Variants in CCDC146 observed in about 807,000 individuals in gnomAD.
CCDC146 encodes the protein coiled-coil domain containing 146, also known as coiled-coil domain-containing protein 146.
Under a neutral mutation model 119.3 loss-of-function variants are expected in CCDC146, and 92 were observed. The observed-to-expected ratio is 0.77, with a 90% CI of 0.65 to 0.92. The LOEUF is 0.92. Ranked by LOEUF, CCDC146 falls within the 40% of genes least tolerant of loss-of-function variation. The pLI is 0.00. For synonymous variants in CCDC146, 372 were observed against 371.8 expected, an observed-to-expected ratio of 1.00 and a Z score of -0.01; for missense variants, 1,000 against 1,103.0, an observed-to-expected ratio of 0.91 and a Z score of 1.32.
intron 2 of CCDC146, among the ~76,000 whole-genome samples, chr7:77,218,787 G>T (rs1299011039): frequency 6.6e-6 from 1 of 151,708 alleles, no homozygotes; most frequent in African/African-American, 2.4e-5. Context: ...GCCTAGGCTG[G>T]TCCCTAACTC....
In CCDC146 at chr7:77,282,659, A is replaced by G. The variant is rs1793785084; in HGVS notation, c.2022A>G (p.Leu674=). Reference sequence around the variant, plus strand: ...TAAATGGAGAAATTGAAATACATCTACTGGAAGAAAAGATCCAATTCCTGA... The same window carrying G: ...TAAATGGAGAAATTGAAATACATCTGCTGGAAGAAAAGATCCAATTCCTGA... The part of the protein sequence containing the change: ...MKLNGEIEIH[L]LEEKIQFLKM... Residue 674 remains leucine, a synonymous_variant, in exon 15 of 19, where the codon CTA becomes CTG. Transcript: ENST00000285871. 4.3e-6 allele frequency: 7 copies of G among 1,612,062 alleles called. No individual in the cohort carries two copies. The highest frequency in any genetic ancestry group is 4.5e-5 in the East Asian group (2 of 44,886).
intron 1 of CCDC146, among the ~76,000 whole-genome samples, chr7:77,150,475 C>G (rs530344489): frequency 6.6e-6 from 1 of 152,190 alleles, no homozygotes; most frequent in South Asian, 2.1e-4. Flanking sequence ...CATAGTAATG[C>G]CATTTTGGAA....
At chr7:77,259,242 A>C (rs532815743) in intron 7 of CCDC146, 174 bp downstream of exon 7, 1 of 507,198 alleles carries the variant, frequency 2.0e-6, no homozygotes, top group African/African-American at 2.0e-5. Context: ...GTAATGCACC[A>C]AATTTCTATC....
At chr7:77,238,278 C>CT (rs1213207178) in intron 3 of CCDC146, among the ~76,000 whole-genome samples, 1 of 152,182 alleles carries the variant, frequency 6.6e-6, no homozygotes, top group African/African-American at 2.4e-5. Flanking sequence ...AATTTTGAGA[C>CT]TTTAAGTGGA....
intron 1 of CCDC146, among the ~76,000 whole-genome samples, chr7:77,137,686 A>G (rs984896981): frequency 6.6e-6 from 1 of 151,732 alleles, no homozygotes; most frequent in Non-Finnish European, 1.5e-5. Context: ...ATTGATCTGT[A>G]GATTCAATGC....
rs1396289355 is a variant in CCDC146, at chr7:77,241,252, T to C, written c.240-439T>C. Among the ~76,000 whole-genome samples the C allele has an allele frequency of 6.1e-5, 4 of 65,282 alleles. 2 individuals are homozygous for C. The highest frequency in any genetic ancestry group is 1.9e-4 in the Non-Finnish European group (4 of 20,924). 42.8% of individuals were successfully genotyped at this position (65,282 alleles called of 152,430 possible). A position where few individuals can be genotyped will look rare whatever the true frequency, so the allele number is the denominator to read the frequency against. ...TTTTGTATTTTTAGTAGAGACGGGG[T>C]TTCACTGTGTTAGCCAGAACGGTTT... On this transcript the variant is annotated intron_variant, in intron 3 of 18. Transcript: ENST00000285871.
At chr7:77,231,625 G>A (rs1250971528) in intron 2 of CCDC146, among the ~76,000 whole-genome samples, 1 of 151,906 alleles carries the variant, frequency 6.6e-6, no homozygotes, top group African/African-American at 2.4e-5. Context: ...TTCTACTTAG[G>A]AATTTCAGTG....
At chr7:77,244,182 G>A (rs762503717) in intron 4 of CCDC146, among the ~76,000 whole-genome samples, 4 of 152,124 alleles carry the variant, frequency 2.6e-5, no homozygotes, top group African/African-American at 9.7e-5. Context: ...AGAATACAAA[G>A]GAAGAAAATA....
At chr7:77,185,647 G>A (rs969542899) in intron 2 of CCDC146, among the ~76,000 whole-genome samples, 1 of 152,146 alleles carries the variant, frequency 6.6e-6, no homozygotes, top group South Asian at 2.1e-4. Flanking sequence ...CCCAGACTGC[G>A]AAGACTACAA....
At chr7:77,174,329 A>T (rs1463157089) in intron 2 of CCDC146, among the ~76,000 whole-genome samples, 13 of 152,146 alleles carry the variant, frequency 8.5e-5, no homozygotes. Flanking sequence ...TGCCCTTGAG[A>T]GGGTTGTGAT....
intron 2 of CCDC146, among the ~76,000 whole-genome samples, chr7:77,233,338 C>A (rs551442604): frequency 6.6e-6 from 1 of 151,990 alleles, no homozygotes; most frequent in Non-Finnish European, 1.5e-5. Context: ...GTGATCTGCC[C>A]GCCTCAGCCT....
chr7:77,285,085 A>G (rs1021261797), intron 15 of CCDC146, among the ~76,000 whole-genome samples: 3 of 152,110 alleles, frequency 2.0e-5, no homozygotes, highest in Non-Finnish European at 4.4e-5. Flanking sequence ...TTGTCCAACA[A>G]TCTAATCCAA....
intron 1 of CCDC146, among the ~76,000 whole-genome samples, chr7:77,128,480 C>T (rs1293039920): frequency 6.6e-6 from 1 of 151,404 alleles, no homozygotes; most frequent in Non-Finnish European, 1.5e-5. Flanking sequence ...TTATGCCTAA[C>T]ACCCAGTTTA....
chr7:77,286,884 GA>G lies in CCDC146; in HGVS notation c.2238del (p.Asp747IlefsTer2), dbSNP rs1214072180. Reference sequence around the variant, plus strand: ...AGAATAGAGCTCGCTTCCTTCCAGGGAAAGATCTGACCGAAAAAGAAATGAT... The same window carrying G: ...AGAATAGAGCTCGCTTCCTTCCAGGGAAGATCTGACCGAAAAAGAAATGAT... The part of the protein sequence containing the change: ...GENRARFLPG[K>X]DLTEKEMIQK... On this transcript the variant is annotated frameshift_variant, in exon 16 of 19. Coordinates refer to ENST00000285871, the MANE Select transcript of CCDC146 (RefSeq NM_020879.3). LOFTEE classifies it high-confidence loss of function. 6.8e-6 allele frequency: 11 copies of G among 1,614,020 alleles called. No homozygotes were observed. Among genetic ancestry groups the G allele is most frequent in the Non-Finnish European group, 9.3e-6 (11 of 1,180,010 alleles).
chr7:77,133,131 A>T (rs1790810470), intron 1 of CCDC146, among the ~76,000 whole-genome samples: 1 of 152,036 alleles, frequency 6.6e-6, no homozygotes, highest in South Asian at 2.1e-4. Context: ...AGATCACGCC[A>T]CTGCACTCCA....
chr7:77,225,943 C>A (rs1792504146), intron 2 of CCDC146, among the ~76,000 whole-genome samples: 1 of 149,472 alleles, frequency 6.7e-6, no homozygotes. Flanking sequence ...AACTTCATCT[C>A]AAAAAAAAAA....
rs1226465935 is a variant in CCDC146 at position 77,183,231 on chromosome 7, T to C, written c.156+15407T>C. Among the ~76,000 whole-genome samples the C allele has an allele frequency of 3.3e-5, 5 of 151,958 alleles. No individual in the cohort carries two copies. In the East Asian group the frequency reaches 5.8e-4, roughly 18 times the overall value. On this transcript the variant is annotated intron_variant, in intron 2 of 18. Transcript: ENST00000285871. ...TATATATTTCTTCTCTGTATCTTTT[T>C]CCATCTTCTCCTTGATCTCTTTGGC...
chr7:77,284,051 G>T (rs1403587929), intron 15 of CCDC146, among the ~76,000 whole-genome samples: 3 of 152,108 alleles, frequency 2.0e-5, no homozygotes, highest in African/African-American at 7.2e-5. Flanking sequence ...TCATTTGAGG[G>T]ATCACCCATC....
At chr7:77,136,996 A>G (rs1388331506) in intron 1 of CCDC146, among the ~76,000 whole-genome samples, 2 of 152,200 alleles carry the variant, frequency 1.3e-5, no homozygotes, top group Non-Finnish European at 2.9e-5. Context: ...CTAAAAAAGA[A>G]AAATCATGTG....
Sources: allele counts gnomAD v4.1 joint callset (sites outside exome capture counted in the v4.1 genomes callset), GRCh38; gene constraint gnomAD v4.1.1; transcripts MANE v1.5; gene names NCBI Gene and HGNC (gene_info 2026-07-23, HGNC 2026-07-21).